Variants in GCNT3 observed in about 807,000 individuals in gnomAD.
The protein encoded by GCNT3 is beta-1,3-galactosyl-O-glycosyl-glycoprotein beta-1,6-N-acetylglucosaminyltransferase 3.
For synonymous variants in GCNT3, 269 were observed against 195.2 expected, an observed-to-expected ratio of 1.38 and a Z score of -3.15; for missense variants, 708 against 530.3, an observed-to-expected ratio of 1.34 and a Z score of -3.29.
intron 2 of GCNT3, 96 bp from the exon 3 acceptor site, chr15:59,618,083 C>G: frequency 5.5e-6 from 3 of 541,696 alleles, no homozygotes; most frequent in Non-Finnish European, 9.7e-6. Flanking sequence ...GGATTTTTGT[C>G]CAGGTAAGAA....
Position 59,619,945 on chromosome 15 carries a change from T to C in GCNT3, c.*390T>C, listed in dbSNP as rs1466877392. ...AGGTTTGGTAGCGTGGAGGAGAACT[T>C]TGATGGAAAGAGAACCTTCCCTTCT... On this transcript the variant is annotated 3_prime_UTR_variant, in exon 3 of 3. Transcript: ENST00000396065. The C allele has an allele frequency of 1.0e-5, 2 of 191,688 alleles. No homozygotes were observed. Among genetic ancestry groups the C allele is most frequent in the Non-Finnish European group, 1.2e-5 (1 of 82,450 alleles). The allele number at this position is 191,688 out of a possible 1,614,324, so 11.9% of individuals were successfully genotyped here. A position where few individuals can be genotyped will look rare whatever the true frequency, so the allele number is the denominator to read the frequency against.
At position 59,618,845 on chromosome 15, in the gene GCNT3, G is replaced by T; in HGVS notation, c.607G>T (p.Val203Leu). 13 of 1,614,156 alleles carry T rather than the reference G, an allele frequency of 8.1e-6. No individual in the cohort carries two copies. Among genetic ancestry groups the T allele is most frequent in the Non-Finnish European group, 1.1e-5 (13 of 1,180,002 alleles). The change falls in exon 3 of 3, where the codon GTG becomes TTG. Residue 203 changes from valine to leucine, a missense_variant. Transcript: ENST00000396065. ...GGTGGTTTATGCCTCCTGGTCCAGG[G>T]TGCAAGCTGACCTCAACTGCATGGA... ...VRVVYASWSRVQADLNCMEDL... is the reference protein window; with the variant it reads ...VRVVYASWSRLQADLNCMEDL...
At chr15:59,614,694 C>T (rs1156972927) in intron 1 of GCNT3, among the ~76,000 whole-genome samples, 1 of 152,200 alleles carries the variant, frequency 6.6e-6, no homozygotes, top group Non-Finnish European at 1.5e-5. Flanking sequence ...TTACTACAAT[C>T]TGTTTTATCA....
At position 59,613,995 on chromosome 15, in the gene GCNT3, G is replaced by T. The variant is rs114947371; in HGVS notation, c.-251+2014G>T. ...TCTGCCACTGCACTCCAGCCTGGGT[G>T]ACAGCGAGACCCTGTCTCTGAAAAA... On this transcript the variant is annotated intron_variant, in intron 1 of 2. Coordinates refer to ENST00000396065, the MANE Select transcript of GCNT3 (RefSeq NM_004751.3). Among the ~76,000 whole-genome samples the T allele has an allele frequency of 2.9e-3, 440 of 152,312 alleles. 1 individual carries two copies. The highest frequency in any genetic ancestry group is 1.0e-2 in the African/African-American group (414 of 41,564).
intron 1 of GCNT3, among the ~76,000 whole-genome samples, chr15:59,616,075 AAT>A (rs1466181867): frequency 6.6e-6 from 1 of 152,198 alleles, no homozygotes; most frequent in Non-Finnish European, 1.5e-5. Flanking sequence ...CCCATAGTGT[AAT>A]CCATTCCTTA....
intron 1 of GCNT3, among the ~76,000 whole-genome samples, chr15:59,613,410 A>G (rs1329593233): frequency 1.6e-4 from 25 of 152,068 alleles, no homozygotes; most frequent in Non-Finnish European, 8.8e-5. Flanking sequence ...CCTTAAAAAT[A>G]AAATATTTGG....
Position 59,620,909 on chromosome 15 carries a change from G to T in GCNT3, c.*1354G>T, listed in dbSNP as rs1379556870. 8.9e-6 allele frequency: 1 copy of T among 111,916 alleles called. No homozygotes were observed. Among genetic ancestry groups the T allele is most frequent in the African/African-American group, 3.5e-5 (1 of 28,526 alleles). The allele number at this position is 111,916 out of a possible 1,614,324, so 6.9% of individuals were successfully genotyped here. ...TTTTTTTTTTTTTTTTTGGAGACAG[G>T]TTCTCACTCTGTTGCCCAGGCTGGA... On this transcript the variant is annotated 3_prime_UTR_variant, in exon 3 of 3. Coordinates refer to ENST00000396065, the MANE Select transcript of GCNT3 (RefSeq NM_004751.3).
chr15:59,615,722 TAA>T (rs775105632), intron 1 of GCNT3, among the ~76,000 whole-genome samples: 37 of 141,072 alleles, frequency 2.6e-4, no homozygotes, highest in South Asian at 2.1e-3. Flanking sequence ...ATCTCTACTT[TAA>T]AAAAAAAAAA....
chr15:59,613,771 T>C (rs1409237541), intron 1 of GCNT3, among the ~76,000 whole-genome samples: 2 of 151,886 alleles, frequency 1.3e-5, no homozygotes, highest in Non-Finnish European at 2.9e-5. Context: ...GTGGCTCACA[T>C]TTTTAATCCC....
intron 1 of GCNT3, among the ~76,000 whole-genome samples, chr15:59,614,207 C>G (rs2082709348): frequency 6.6e-6 from 1 of 152,122 alleles, no homozygotes; most frequent in Non-Finnish European, 1.5e-5. Context: ...CATAATCATT[C>G]TTGTCCCAGA....
In GCNT3 at chr15:59,618,824, GT is replaced by G. The variant is rs758660668; in HGVS notation, c.589del (p.Tyr197MetfsTer28). 21 of 1,614,052 alleles carry G rather than the reference GT, an allele frequency of 1.3e-5. No homozygotes were observed. Among genetic ancestry groups the G allele is most frequent in the Non-Finnish European group, 1.8e-5 (21 of 1,180,026 alleles). On this transcript the variant is annotated frameshift_variant, in exon 3 of 3. Transcript: ENST00000396065. LOFTEE classifies it low-confidence loss of function (END_TRUNC). ...VFIASKLVRV[V>X]YASWSRVQAD... ...CATAGCCAGTAAGCTGGTTCGGGTG[GT>G]TTATGCCTCCTGGTCCAGGGTGCAA...
At chr15:59,616,499 A>T (rs2082720316) in intron 1 of GCNT3, 193 bp from the exon 2 acceptor site, 1 of 152,316 alleles carries the variant, frequency 6.6e-6, no homozygotes, top group Non-Finnish European at 1.5e-5. Flanking sequence ...CACAGGTACA[A>T]ACTGGGCTGT....
intron 1 of GCNT3, among the ~76,000 whole-genome samples, chr15:59,615,960 C>T (rs2082717827): frequency 6.6e-6 from 1 of 152,042 alleles, no homozygotes; most frequent in Non-Finnish European, 1.5e-5. Context: ...CAGTTGGGGG[C>T]CGGGTTGGGG....
rs768492004 is a variant in GCNT3, at chr15:59,622,236, A to G, written c.*2681A>G. ...GCTGAGGCAGGAGAATCGCTTGAAC[A>G]TGGGAGGCAGAGGTTGCAGTGAGCT... On this transcript the variant is annotated 3_prime_UTR_variant, in exon 3 of 3. Coordinates refer to ENST00000396065, the MANE Select transcript of GCNT3 (RefSeq NM_004751.3). The G allele has an allele frequency of 1.3e-5, 2 of 151,690 alleles. No homozygotes were observed. The highest frequency in any genetic ancestry group is 1.5e-5 in the Non-Finnish European group (1 of 67,946). 9.4% of individuals were successfully genotyped at this position (151,690 alleles called of 1,614,324 possible). A position where few individuals can be genotyped will look rare whatever the true frequency, so the allele number is the denominator to read the frequency against.
chr15:59,615,592 C>T (rs1257829709), intron 1 of GCNT3, among the ~76,000 whole-genome samples: 2 of 151,994 alleles, frequency 1.3e-5, no homozygotes, highest in African/African-American at 4.8e-5. Flanking sequence ...ATTAAATTTG[C>T]CCTGTTCAGG....
rs2082733580 is a variant in GCNT3 at position 59,618,935 on chromosome 15, A to G, written c.697A>G (p.Ile233Val). 5.0e-6 allele frequency: 8 copies of G among 1,614,022 alleles called. No homozygotes were observed. The highest frequency in any genetic ancestry group is 2.2e-5 in the East Asian group (1 of 44,894). ...GAATACATGTGGGACGGACTTTCCTATAAAGAGCAATGCAGAGATGGTCCA... is the reference window on the plus strand; with the variant it reads ...GAATACATGTGGGACGGACTTTCCTGTAAAGAGCAATGCAGAGATGGTCCA... ...FLNTCGTDFP[I>V]KSNAEMVQAL... The change falls in exon 3 of 3, where the codon ATA becomes GTA. Residue 233 changes from isoleucine to valine, a missense_variant. Physicochemically the swap from Ile to Val is conservative, Grantham distance 29. Coordinates refer to ENST00000396065, the MANE Select transcript of GCNT3 (RefSeq NM_004751.3).
chr15:59,619,702 A>C lies in GCNT3; in HGVS notation c.*147A>C. ...GAGGGCTGCTATTAGAGTGTGGGTAAGTAGATCTTTTGCCTTGCAAATTGC... is the reference window on the plus strand; with the variant it reads ...GAGGGCTGCTATTAGAGTGTGGGTACGTAGATCTTTTGCCTTGCAAATTGC... On this transcript the variant is annotated 3_prime_UTR_variant, in exon 3 of 3. Coordinates refer to ENST00000396065, the MANE Select transcript of GCNT3 (RefSeq NM_004751.3). The C allele has an allele frequency of 1.5e-6, 1 of 661,196 alleles. No individual in the cohort carries two copies. The allele number at this position is 661,196 out of a possible 1,614,324, so 41.0% of individuals were successfully genotyped here.
At position 59,618,447 on chromosome 15, in the gene GCNT3, G is replaced by A. The variant is rs184025712; in HGVS notation, c.209G>A (p.Cys70Tyr). The change falls in exon 3 of 3, where the codon TGT (cysteine) becomes TAT (tyrosine). Residue 70 changes from cysteine to tyrosine, a missense_variant. Cys to Tyr is a radical substitution (Grantham distance 194, BLOSUM62 -2). Transcript: ENST00000396065. ...LKLPAKRSIN[C>Y]SGVTRGDQEA... ...CTTCCAGCAAAGAGGTCTATCAACT[G>A]TTCAGGGGTCACCCGAGGGGACCAA... The A allele has an allele frequency of 5.0e-6, 8 of 1,614,070 alleles. No homozygotes were observed. In the East Asian group the frequency reaches 1.6e-4, roughly 31 times the overall value.
intron 1 of GCNT3, among the ~76,000 whole-genome samples, chr15:59,613,949 C>A (rs1438247139): frequency 6.6e-6 from 1 of 151,864 alleles, no homozygotes; most frequent in Non-Finnish European, 1.5e-5. Context: ...CCCAGGAGTT[C>A]GAGGCTGCAG....
Sources: gnomAD v4.1 joint callset for allele counts (sites outside exome capture counted in the v4.1 genomes callset) on GRCh38, gnomAD v4.1.1 for gene constraint, MANE v1.5 for transcripts, NCBI Gene and HGNC (gene_info 2026-07-23, HGNC 2026-07-21) for gene names.